Variants in MIPOL1 observed in about 807,000 individuals in gnomAD.
The protein encoded by MIPOL1 is mirror-image polydactyly 1.
MIPOL1 carries 57 observed loss-of-function variants against 60.9 expected under a neutral mutation model. The ratio of observed to expected loss-of-function variants is 0.94; its 90% confidence interval spans 0.76 to 1.17. The LOEUF (loss-of-function observed/expected upper bound fraction) is 1.17. MIPOL1 is among the 50% of genes most tolerant of loss of function. The pLI, the probability that MIPOL1 is intolerant of heterozygous loss-of-function variation, is 0.00. For synonymous variants in MIPOL1, 179 were observed against 168.8 expected (o/e 1.06, Z -0.47); for missense variants, 551 against 511.6 (o/e 1.08, Z -0.74).
At chr14:37,532,320 A>C (rs1244588666) in intron 12 of MIPOL1, among the ~76,000 whole-genome samples, 1 of 152,158 alleles carries the variant, frequency 6.6e-6, no homozygotes, top group Non-Finnish European at 1.5e-5. Context: ...AGTTTGAAAG[A>C]GTTAATGTGT....
At chr14:37,304,692 T>C (rs750995296) in intron 7 of MIPOL1, among the ~76,000 whole-genome samples, 25 of 151,802 alleles carry the variant, frequency 1.6e-4, no homozygotes, top group Non-Finnish European at 8.9e-5. Flanking sequence ...AAGGGTGATA[T>C]TGACTGATTT....
chr14:37,413,257 T>C (rs1197915062), intron 10 of MIPOL1, among the ~76,000 whole-genome samples: 1 of 152,122 alleles, frequency 6.6e-6, no homozygotes, highest in Non-Finnish European at 1.5e-5. Flanking sequence ...TATTAAATAA[T>C]CATTTAAATA....
chr14:37,323,830 C>A (rs187734500), intron 9 of MIPOL1, among the ~76,000 whole-genome samples: 2 of 151,978 alleles, frequency 1.3e-5, no homozygotes, highest in East Asian at 3.9e-4. Context: ...TGTTTTGCTT[C>A]TTCTAGAATT....
rs540991205 is a variant in MIPOL1 at position 37,331,967 on chromosome 14, G to C, written c.828+23448G>C. 3.3e-5 allele frequency among the ~76,000 whole-genome samples: 5 copies of C among 152,070 alleles called. No individual in the cohort carries two copies. The East Asian group carries it at 9.7e-4, about 30-fold the overall frequency. On this transcript the variant is annotated intron_variant, in intron 9 of 12. Coordinates refer to ENST00000684589, the MANE Select transcript of MIPOL1 (RefSeq NM_001388067.1). The stretch of plus-strand genomic sequence containing the variant: ...AGTTCAAGACCAGCCTGGCCAGGAT[G>C]TCTCTACTAAAAATACAAAAATTAG...
In MIPOL1 at chr14:37,399,967, T is replaced by A. The variant is rs552674552; in HGVS notation, c.937-22888T>A. ...ATCACCCACTGGAAAACTCTAATAT[T>A]GTACAGTGGGCTCTTGAAAGTGAAG... On this transcript the variant is annotated intron_variant, in intron 10 of 12. Coordinates refer to ENST00000684589, the MANE Select transcript of MIPOL1 (RefSeq NM_001388067.1). 4 of 152,258 alleles carry A rather than the reference T, an allele frequency of 2.6e-5. No homozygotes were observed. In the South Asian group the frequency reaches 8.3e-4, roughly 32 times the overall value. The allele number at this position is 152,258 out of a possible 1,614,324, so 9.4% of individuals were successfully genotyped here.
intron 12 of MIPOL1, among the ~76,000 whole-genome samples, chr14:37,527,722 A>G (rs995153288): frequency 3.9e-5 from 6 of 152,112 alleles, no homozygotes; most frequent in African/African-American, 9.6e-5. Flanking sequence ...TTAATTATCA[A>G]AATTGTAGGG....
At position 37,369,637 on chromosome 14, in the gene MIPOL1, T is replaced by C; in HGVS notation, c.936+13T>C. On this transcript the variant is annotated intron_variant, in intron 10 of 12. Coordinates refer to ENST00000684589, the MANE Select transcript of MIPOL1 (RefSeq NM_001388067.1). ...ACGTGCTCTGAAGGTAAATCTCCGT[T>C]CCTTCTTGCAGGCAAATTAAGGTTG... 2 of 1,602,246 alleles carry C rather than the reference T, an allele frequency of 1.2e-6. No individual in the cohort carries two copies. Among genetic ancestry groups the C allele is most frequent in the Non-Finnish European group, 1.7e-6 (2 of 1,169,980 alleles).
At chr14:37,378,823 C>G (rs1378612748) in intron 10 of MIPOL1, among the ~76,000 whole-genome samples, 3 of 151,960 alleles carry the variant, frequency 2.0e-5, no homozygotes, top group Non-Finnish European at 4.4e-5. Flanking sequence ...ATTGAAACAA[C>G]TGAAAAAGTA....
At chr14:37,444,438 A>T (rs895001006) in intron 11 of MIPOL1, among the ~76,000 whole-genome samples, 7 of 152,216 alleles carry the variant, frequency 4.6e-5, no homozygotes, top group African/African-American at 1.7e-4. Flanking sequence ...TATTTCTGTG[A>T]TATCAATTCT....
At position 37,550,824 on chromosome 14, in the gene MIPOL1, A is replaced by C. The variant is rs960697496; in HGVS notation, c.*3853A>C. 1.3e-5 allele frequency: 2 copies of C among 152,490 alleles called. No homozygotes were observed. Among genetic ancestry groups the C allele is most frequent in the Admixed American group, 6.5e-5 (1 of 15,268 alleles). 9.4% of individuals were successfully genotyped at this position (152,490 alleles called of 1,614,324 possible). A position where few individuals can be genotyped will look rare whatever the true frequency, so the allele number is the denominator to read the frequency against. ...TCCAGAAGAGCATCTCAAGTTACCA[A>C]ATTTTTTGTAATCCTTTTACTAGAA... On this transcript the variant is annotated 3_prime_UTR_variant, in exon 13 of 13. Transcript: ENST00000684589.
intron 11 of MIPOL1, among the ~76,000 whole-genome samples, chr14:37,430,826 C>G (rs933892553): frequency 5.3e-5 from 8 of 152,204 alleles, no homozygotes; most frequent in Non-Finnish European, 2.9e-5. Flanking sequence ...GAGGCTATTG[C>G]TACTGAAGTA....
intron 9 of MIPOL1, among the ~76,000 whole-genome samples, chr14:37,327,463 T>A (rs2089271870): frequency 6.6e-6 from 1 of 152,098 alleles, no homozygotes; most frequent in Non-Finnish European, 1.5e-5. Context: ...ACTTTTTGAT[T>A]TTTTTGTAGA....
At chr14:37,287,917 C>A (rs2084712623) in intron 7 of MIPOL1, among the ~76,000 whole-genome samples, 2 of 151,974 alleles carry the variant, frequency 1.3e-5, no homozygotes, top group African/African-American at 4.8e-5. Context: ...GTGTGAGCCA[C>A]CAGGCCTGGT....
At chr14:37,505,431 GATGCAAGCCTGGTTCAACAT>G (rs1465889874) in intron 12 of MIPOL1, 2 of 152,174 alleles carry the variant, frequency 1.3e-5, no homozygotes, top group African/African-American at 2.4e-5. Flanking sequence ...TCATCCCTGG[GATGCAAGCCTGGTTCAACAT>G]ATGCACATCA....
chr14:37,527,573 G>C (rs1184456747), intron 12 of MIPOL1, among the ~76,000 whole-genome samples: 1 of 151,998 alleles, frequency 6.6e-6, no homozygotes. Flanking sequence ...GAACAAACAG[G>C]ATCAAAACAC....
chr14:37,484,296 C>G (rs372969203), intron 11 of MIPOL1, among the ~76,000 whole-genome samples: 1 of 150,820 alleles, frequency 6.6e-6, no homozygotes, highest in Non-Finnish European at 1.5e-5. Context: ...CTATCCTCTT[C>G]CATTTCTCCT....
intron 10 of MIPOL1, among the ~76,000 whole-genome samples, chr14:37,396,502 G>C (rs1165304338): frequency 2.0e-5 from 3 of 152,048 alleles, no homozygotes; most frequent in Non-Finnish European, 4.4e-5. Context: ...TGTGCTTCTT[G>C]TATTTGGATG....
chr14:37,548,572 G>C lies in MIPOL1; in HGVS notation c.*1601G>C, dbSNP rs1411431888. The C allele has an allele frequency of 6.6e-6, 1 of 151,776 alleles. No individual in the cohort carries two copies. The highest frequency in any genetic ancestry group is 1.5e-5 in the Non-Finnish European group (1 of 67,814). The allele number at this position is 151,776 out of a possible 1,614,324, so 9.4% of individuals were successfully genotyped here. On this transcript the variant is annotated 3_prime_UTR_variant, in exon 13 of 13. Coordinates refer to ENST00000684589, the MANE Select transcript of MIPOL1 (RefSeq NM_001388067.1). Reference sequence around the variant, plus strand: ...GGTCATGCATGGAGTCTTGTCTCTGGGCTCTATTTGAAACGTGTAACAGCT... The same window carrying C: ...GGTCATGCATGGAGTCTTGTCTCTGCGCTCTATTTGAAACGTGTAACAGCT...
intron 10 of MIPOL1, chr14:37,400,873 C>T (rs2093468587): frequency 6.6e-6 from 1 of 152,054 alleles, no homozygotes; most frequent in Non-Finnish European, 1.5e-5. Flanking sequence ...ATATGAATAG[C>T]CTTGAGGAAC....
Sources: gnomAD v4.1 joint callset for allele counts (sites outside exome capture counted in the v4.1 genomes callset) on GRCh38, gnomAD v4.1.1 for gene constraint, MANE v1.5 for transcripts, NCBI Gene and HGNC (gene_info 2026-07-23, HGNC 2026-07-21) for gene names.